RAB6B: variants seen among roughly 807,000 people sequenced by gnomAD.
RAB6B encodes ras-related protein Rab-6B.
RAB6B carries 7 observed loss-of-function variants against 31.2 expected under a neutral mutation model. The ratio of observed to expected loss-of-function variants is 0.22; its 90% CI spans 0.13 to 0.42. RAB6B has a LOEUF of 0.42. Ranked by LOEUF, RAB6B falls within the 10% of genes least tolerant of loss-of-function variation. RAB6B has a pLI of 1.00. For missense variants in RAB6B, 149 were observed against 280.6 expected (o/e 0.53, Z 3.35); for synonymous variants, 105 against 104.9 (o/e 1.00, Z -0.01).
At chr3:133,871,905 G>A (rs1161810970) in intron 1 of RAB6B, among the ~76,000 whole-genome samples, 1 of 152,220 alleles carries the variant, frequency 6.6e-6, no homozygotes, top group Non-Finnish European at 1.5e-5. Flanking sequence ...CCAAACAGTG[G>A]GATCCTGATC....
At chr3:133,858,733 C>A (rs1437304023) in intron 2 of RAB6B, among the ~76,000 whole-genome samples, 1 of 152,174 alleles carries the variant, frequency 6.6e-6, no homozygotes, top group Non-Finnish European at 1.5e-5. Flanking sequence ...CACAATTCAG[C>A]CCATGTTAGG....
chr3:133,867,363 A>T lies in RAB6B; in HGVS notation c.71-2721T>A, dbSNP rs1576404301. ...CACAGAATTGACATGAGAACAGTAA[A>T]CAGAGGAGACGTGGCACCTGCCCAC... is the stretch of plus-strand genomic sequence containing the variant. On this transcript the variant is annotated intron_variant, in intron 1 of 7. Transcript: ENST00000285208. Among the ~76,000 whole-genome samples the T allele has an allele frequency of 2.6e-5, 4 of 152,270 alleles. No homozygotes were observed. In the South Asian group the frequency reaches 8.3e-4, roughly 32 times the overall value.
At chr3:133,876,187 ACT>A (rs1200993269) in intron 1 of RAB6B, among the ~76,000 whole-genome samples, 5 of 152,202 alleles carry the variant, frequency 3.3e-5, no homozygotes, top group African/African-American at 4.8e-5. Flanking sequence ...TTCACGTAAG[ACT>A]CTACCAGATT....
chr3:133,845,840 C>A (rs1935902203), intron 2 of RAB6B, among the ~76,000 whole-genome samples: 1 of 151,040 alleles, frequency 6.6e-6, no homozygotes. Context: ...AATTAGTAGA[C>A]AAAGACTTTA....
chr3:133,856,060 G>A (rs947596187), intron 2 of RAB6B, among the ~76,000 whole-genome samples: 14 of 152,118 alleles, frequency 9.2e-5, no homozygotes, highest in African/African-American at 3.4e-4. Context: ...CACAGGCCAC[G>A]ACGGCAGAAT....
intron 1 of RAB6B, among the ~76,000 whole-genome samples, chr3:133,885,066 T>C: frequency 7.0e-6 from 1 of 142,930 alleles, no homozygotes; most frequent in African/African-American, 2.7e-5. Flanking sequence ...AATGGGGAAC[T>C]CACACACCAA....
In RAB6B at chr3:133,895,845, C is replaced by G. The variant is rs1240636223; in HGVS notation, c.-379G>C. On this transcript the variant is annotated 5_prime_UTR_variant, in exon 1 of 8. Transcript: ENST00000285208. ...TCTCCAGAGCCGCGCCAGTCGGCCC[C>G]CTCCCGCCTGCCTCCTCCGCCGGCG... The G allele has an allele frequency of 4.8e-6, 1 of 206,476 alleles. No individual in the cohort carries two copies. Among genetic ancestry groups the G allele is most frequent in the African/African-American group, 2.3e-5 (1 of 43,288 alleles). The allele number at this position is 206,476 out of a possible 1,614,324, so 12.8% of individuals were successfully genotyped here. A position where few individuals can be genotyped will look rare whatever the true frequency, so the allele number is the denominator to read the frequency against.
chr3:133,845,563 C>T (rs936798147), intron 2 of RAB6B, among the ~76,000 whole-genome samples: 2 of 152,210 alleles, frequency 1.3e-5, no homozygotes, highest in Admixed American at 1.3e-4. Flanking sequence ...TTTGTTATAG[C>T]AGCCTGAATG....
chr3:133,841,226 A>G (rs1374992938), intron 4 of RAB6B, 59 bp downstream of exon 4: 4 of 1,527,984 alleles, frequency 2.6e-6, no homozygotes, highest in Non-Finnish European at 3.6e-6. Flanking sequence ...GGCCAGGGTC[A>G]CACCTGGGCC....
At chr3:133,838,334 C>T (rs1342534089) in intron 5 of RAB6B, 75 bp from the exon 6 acceptor site, 33 of 1,369,056 alleles carry the variant, frequency 2.4e-5, no homozygotes, top group Non-Finnish European at 3.1e-5. Flanking sequence ...GGGACCCACC[C>T]AGCAGGGCAG....
At chr3:133,885,266 A>G (rs903963530) in intron 1 of RAB6B, among the ~76,000 whole-genome samples, 3 of 149,940 alleles carry the variant, frequency 2.0e-5, no homozygotes, top group African/African-American at 7.4e-5. Context: ...CCCAATGACC[A>G]GAGGAGGGAG....
intron 2 of RAB6B, among the ~76,000 whole-genome samples, chr3:133,843,544 G>C (rs961408829): frequency 1.3e-5 from 2 of 152,232 alleles, no homozygotes; most frequent in South Asian, 2.1e-4. Context: ...TCCTTTTGTA[G>C]AGTCACCTTT....
chr3:133,891,360 T>C (rs1307058141), intron 1 of RAB6B, among the ~76,000 whole-genome samples: 8 of 152,078 alleles, frequency 5.3e-5, no homozygotes, highest in Non-Finnish European at 1.0e-4. Flanking sequence ...GCCCTCTGGG[T>C]AGGGTGGGCT....
At chr3:133,840,784 C>T (rs1935814479) in intron 4 of RAB6B, among the ~76,000 whole-genome samples, 1 of 152,046 alleles carries the variant, frequency 6.6e-6, no homozygotes, top group African/African-American at 2.4e-5. Flanking sequence ...CCTGAAGAGC[C>T]ACAGTACTGG....
chr3:133,844,441 C>T (rs1430538430), intron 2 of RAB6B, among the ~76,000 whole-genome samples: 2 of 152,222 alleles, frequency 1.3e-5, no homozygotes, highest in Non-Finnish European at 2.9e-5. Flanking sequence ...TGAAGAACTT[C>T]TATAGCTGTG....
At chr3:133,892,621 C>A (rs1212658066) in intron 1 of RAB6B, among the ~76,000 whole-genome samples, 1 of 152,294 alleles carries the variant, frequency 6.6e-6, no homozygotes, top group East Asian at 1.9e-4. Context: ...AAAGCCACAT[C>A]CCTCCAGCTC....
intron 2 of RAB6B, among the ~76,000 whole-genome samples, chr3:133,858,842 C>T (rs1215876262): frequency 1.3e-5 from 2 of 152,182 alleles, no homozygotes; most frequent in African/African-American, 2.4e-5. Context: ...TCCAACATGC[C>T]GAGCTTTTCA....
chr3:133,825,014 G>GT lies in RAB6B; in HGVS notation c.*3773dup, dbSNP rs1162035391. 1 of 152,184 alleles carries GT rather than the reference G, an allele frequency of 6.6e-6. No homozygotes were observed. Among genetic ancestry groups the GT allele is most frequent in the Non-Finnish European group, 1.5e-5 (1 of 68,032 alleles). The allele number at this position is 152,184 out of a possible 1,614,324, so 9.4% of individuals were successfully genotyped here. ...TGTGACAGCTCTGCTTCACATAGCTGTAACAAGGTGACAATGCCTCACATT... is the reference window on the plus strand; with the variant it reads ...TGTGACAGCTCTGCTTCACATAGCTGTTAACAAGGTGACAATGCCTCACATT... On this transcript the variant is annotated 3_prime_UTR_variant, in exon 8 of 8. Transcript: ENST00000285208.
intron 1 of RAB6B, among the ~76,000 whole-genome samples, chr3:133,890,441 C>A (rs1385609891): frequency 6.6e-6 from 1 of 152,126 alleles, no homozygotes; most frequent in East Asian, 1.9e-4. Context: ...CCCATCTCTA[C>A]TAAAAATACA....
Sources: gnomAD v4.1 joint callset for allele counts (sites outside exome capture counted in the v4.1 genomes callset) on GRCh38, gnomAD v4.1.1 for gene constraint, MANE v1.5 for transcripts, NCBI Gene and HGNC (gene_info 2026-07-23, HGNC 2026-07-21) for gene names.